The following CFAP44 variants were observed in gnomAD, a reference collection of about 807,000 sequenced individuals.
CFAP44 encodes the protein cilia and flagella associated protein 44.
Under a neutral mutation model 216.2 loss-of-function variants are expected in CFAP44, and 134 were observed. The observed-to-expected ratio is 0.62, with a 90% CI of 0.54 to 0.72. The LOEUF (loss-of-function observed/expected upper bound fraction) is 0.72. Among genes scored for constraint, CFAP44 ranks in the 30% least tolerant of loss-of-function variants. CFAP44 has a pLI of 0.00. For missense variants in CFAP44, 2,035 were observed against 2,182.1 expected (o/e 0.93, Z 1.34); for synonymous variants, 700 against 727.6 (o/e 0.96, Z 0.61).
rs760261257 is a variant in CFAP44 at position 113,287,042 on chromosome 3, G to A, written c.*4515C>T. On this transcript the variant is annotated 3_prime_UTR_variant, in exon 35 of 35. Coordinates refer to ENST00000393845, the MANE Select transcript of CFAP44 (RefSeq NM_001164496.2). ...TGGAGAGACATAAGGAGTCCTACCC[G>A]TTGAGGTTGGAGAGGGAAAATAAAG... is the stretch of plus-strand genomic sequence containing the variant. 22 of 756,938 alleles carry A rather than the reference G, an allele frequency of 2.9e-5. No individual in the cohort carries two copies. The highest frequency in any genetic ancestry group is 1.2e-4 in the African/African-American group (7 of 57,662). The allele number at this position is 756,938 out of a possible 1,614,324, so 46.9% of individuals were successfully genotyped here. A position where few individuals can be genotyped will look rare whatever the true frequency, so the allele number is the denominator to read the frequency against.
rs373129414 is a variant in CFAP44 at position 113,416,538 on chromosome 3, G to A, written c.660C>T (p.Tyr220=). Residue 220 remains tyrosine (Y), a synonymous_variant, in exon 6 of 35, where the codon TAC becomes TAT. Coordinates refer to ENST00000393845, the MANE Select transcript of CFAP44 (RefSeq NM_001164496.2). ...TTCTGGACTCACCTCGAAGGACTCT[G>A]TATGGTCTCAGAGAAGGATATTCAT... The part of the protein sequence containing the change: ...IIYEYPSLRP[Y]RVLRDGTEKG... 6.1e-5 allele frequency: 98 copies of A among 1,608,492 alleles called. No individual in the cohort carries two copies. Among genetic ancestry groups the A allele is most frequent in the Admixed American group, 8.4e-5 (5 of 59,674 alleles).
chr3:113,346,810 C>G (rs149345765), intron 22 of CFAP44, among the ~76,000 whole-genome samples: 1,956 of 152,340 alleles, frequency 0.013, 20 homozygotes, highest in Middle Eastern at 0.02. Context: ...AAGCTGGCCA[C>G]CCCAGCCAGC....
rs1012578774 is a variant in CFAP44, at chr3:113,289,396, C to T, written c.*2161G>A. ...AGTCCTGATGTGGCTCTTCTGTAGA[C>T]TGTAGGTCCATTCTTGCTGCAATCA... On this transcript the variant is annotated 3_prime_UTR_variant, in exon 35 of 35. Coordinates refer to ENST00000393845, the MANE Select transcript of CFAP44 (RefSeq NM_001164496.2). 1.3e-5 allele frequency: 2 copies of T among 152,202 alleles called. No homozygotes were observed. The highest frequency in any genetic ancestry group is 2.9e-5 in the Non-Finnish European group (2 of 68,036). The allele number at this position is 152,202 out of a possible 1,614,324, so 9.4% of individuals were successfully genotyped here. A position where few individuals can be genotyped will look rare whatever the true frequency, so the allele number is the denominator to read the frequency against.
intron 24 of CFAP44, among the ~76,000 whole-genome samples, chr3:113,336,844 G>A (rs1950285904): frequency 6.6e-6 from 1 of 151,712 alleles, no homozygotes; most frequent in Non-Finnish European, 1.5e-5. Context: ...TAAAAGTATA[G>A]GTAGATTGAG....
At chr3:113,415,210 A>C (rs115140031) in intron 6 of CFAP44, among the ~76,000 whole-genome samples, 37,704 of 151,682 alleles carry the variant, frequency 0.25, 5,411 homozygotes, top group East Asian at 0.58. Context: ...GTGGTGATTT[A>C]CCCTTTATTA....
At position 113,408,058 on chromosome 3, in the gene CFAP44, T is replaced by C. The variant is rs79792259; in HGVS notation, c.891-1017A>G. On this transcript the variant is annotated intron_variant, in intron 7 of 34. Transcript: ENST00000393845. ...GGTTATTTGACAATTCCCCAAAGAT[T>C]ACAATTAAAAATCTGCTCAATTAGT... Among the ~76,000 whole-genome samples the C allele has an allele frequency of 4.8e-3, 729 of 152,324 alleles. 8 individuals are homozygous for C. Among genetic ancestry groups the C allele is most frequent in the African/African-American group, 0.017 (700 of 41,584 alleles).
Position 113,296,891 on chromosome 3 carries a change from A to G in CFAP44, c.5078-6T>C. 6.5e-7 allele frequency: 1 copy of G among 1,537,256 alleles called. No individual in the cohort carries two copies. The highest frequency in any genetic ancestry group is 8.7e-7 in the Non-Finnish European group (1 of 1,146,886). On this transcript the variant is annotated splice_region_variant and splice_polypyrimidine_tract_variant and intron_variant, in intron 32 of 34. Coordinates refer to ENST00000393845, the MANE Select transcript of CFAP44 (RefSeq NM_001164496.2). ...CCGGACTGTTTCCTCCATTTCTAAA[A>G]GAAGACAGTCACTGGCTCAGGTTGT...
intron 28 of CFAP44, among the ~76,000 whole-genome samples, chr3:113,325,387 A>G (rs1336221505): frequency 6.6e-6 from 1 of 152,078 alleles, no homozygotes; most frequent in Non-Finnish European, 1.5e-5. Context: ...ATACTAGTAT[A>G]CAATTTTGAT....
chr3:113,330,065 G>T (rs1435503162), intron 26 of CFAP44, 103 bp downstream of exon 26: 8 of 1,382,332 alleles, frequency 5.8e-6, no homozygotes, highest in Admixed American at 2.8e-5. Context: ...TTTGGGAAAG[G>T]TTCATGCAGA....
At chr3:113,429,397 G>A (rs921276426) in intron 2 of CFAP44, among the ~76,000 whole-genome samples, 1 of 151,874 alleles carries the variant, frequency 6.6e-6, no homozygotes, top group Non-Finnish European at 1.5e-5. Flanking sequence ...AGTACTCTTT[G>A]CCTTGAAGTC....
intron 32 of CFAP44, among the ~76,000 whole-genome samples, chr3:113,302,895 CA>C (rs1283371745): frequency 6.6e-6 from 1 of 150,400 alleles, no homozygotes; most frequent in Non-Finnish European, 1.5e-5. Context: ...AATTTAAAAG[CA>C]AAAAATAGAA....
intron 17 of CFAP44, 41 bp from the exon 18 acceptor site, chr3:113,373,597 A>G (rs768045345): frequency 1.9e-5 from 27 of 1,435,310 alleles, no homozygotes; most frequent in Non-Finnish European, 2.1e-5. Context: ...GTACTTGAAT[A>G]TAACACACAT....
rs1407796025 is a variant in CFAP44, at chr3:113,327,691, CAGG to C, written c.4242_4244del (p.Leu1415del). Reference sequence around the variant, plus strand: ...TGTTCTCCTGTTTTTCAAAATTCTTCAGGAGAAGTATTTCTTGAAATAAGGTGA... The same window carrying C: ...TGTTCTCCTGTTTTTCAAAATTCTTCAGAAGTATTTCTTGAAATAAGGTGA... On this transcript the variant is annotated inframe_deletion, in exon 27 of 35. Coordinates refer to ENST00000393845, the MANE Select transcript of CFAP44 (RefSeq NM_001164496.2). The C allele has an allele frequency of 3.9e-6, 6 of 1,536,958 alleles. No homozygotes were observed. Among genetic ancestry groups the C allele is most frequent in the East Asian group, 2.4e-5 (1 of 40,884 alleles).
Position 113,380,953 on chromosome 3 carries a change from G to T in CFAP44, c.1998C>A (p.Ile666=), listed in dbSNP as rs1226208859. ...EDDHDVVSYE[I]KDMCIKCFHF... ...GGAAACATTTTATGCACATGTCTTT[G>T]ATTTCATAGGAGACTACATCATGAT... The change falls in exon 16 of 35, where the codon ATC becomes ATA. Residue 666 remains isoleucine, a synonymous_variant. Transcript: ENST00000393845. 90 of 1,594,358 alleles carry T rather than the reference G, an allele frequency of 5.6e-5. No individual in the cohort carries two copies. The highest frequency in any genetic ancestry group is 7.4e-5 in the Non-Finnish European group (87 of 1,170,536).
At chr3:113,404,364 A>G (rs1934219659) in intron 8 of CFAP44, among the ~76,000 whole-genome samples, 2 of 152,308 alleles carry the variant, frequency 1.3e-5, no homozygotes, top group South Asian at 4.1e-4. Flanking sequence ...TAAATGTAAT[A>G]CTATCAAATT....
intron 28 of CFAP44, among the ~76,000 whole-genome samples, chr3:113,325,586 G>C (rs373982996): frequency 6.6e-6 from 1 of 151,740 alleles, no homozygotes; most frequent in East Asian, 2.0e-4. Context: ...CTCGGACTAC[G>C]GCATATTGTG....
intron 19 of CFAP44, among the ~76,000 whole-genome samples, chr3:113,363,975 T>C (rs1950565836): frequency 6.6e-6 from 1 of 152,102 alleles, no homozygotes; most frequent in South Asian, 2.1e-4. Flanking sequence ...TATTTTTACA[T>C]TTTAAGTAAG....
In CFAP44 at chr3:113,326,339, C is replaced by T. The variant is rs978479902; in HGVS notation, c.4516+106G>A. ...AGCCCCCACAGTGTCTCTACATTGT[C>T]CATGTTATAGTGAAAAAAATAAGGT... is the stretch of plus-strand genomic sequence containing the variant. On this transcript the variant is annotated intron_variant, in intron 28 of 34. Coordinates refer to ENST00000393845, the MANE Select transcript of CFAP44 (RefSeq NM_001164496.2). 53 of 1,058,514 alleles carry T rather than the reference C, an allele frequency of 5.0e-5. No individual in the cohort carries two copies. The African/African-American group carries it at 8.0e-4, about 16-fold the overall frequency. 65.6% of individuals were successfully genotyped at this position (1,058,514 alleles called of 1,614,324 possible). A position where few individuals can be genotyped will look rare whatever the true frequency, so the allele number is the denominator to read the frequency against.
At chr3:113,391,620 C>T (rs1423482345) in intron 15 of CFAP44, among the ~76,000 whole-genome samples, 2 of 152,040 alleles carry the variant, frequency 1.3e-5, no homozygotes, top group African/African-American at 4.8e-5. Context: ...ATTTCTCTCA[C>T]AGAATGAGAG....
Sources: allele counts gnomAD v4.1 joint callset (sites outside exome capture counted in the v4.1 genomes callset), GRCh38; gene constraint gnomAD v4.1.1; transcripts MANE v1.5; gene names NCBI Gene and HGNC (gene_info 2026-07-23, HGNC 2026-07-21).